Variants in CNTNAP2 observed in about 807,000 individuals in gnomAD.
CNTNAP2 encodes contactin associated protein 2, also known as contactin-associated protein-like 2.
In CNTNAP2, 98 loss-of-function variants were observed where a neutral mutation model predicts 155.2. That is an observed-to-expected ratio of 0.63 (90% CI 0.54 to 0.75). The LOEUF is 0.75. Among genes scored for constraint, CNTNAP2 ranks in the 30% least tolerant of loss-of-function variants. The pLI is 0.00. For missense variants in CNTNAP2, 1,727 were observed against 1,688.1 expected, an observed-to-expected ratio of 1.02 and a Z score of -0.40; for synonymous variants, 651 against 631.2, an observed-to-expected ratio of 1.03 and a Z score of -0.47.
intron 2 of CNTNAP2, among the ~76,000 whole-genome samples, chr7:146,793,153 G>C (rs577489365): frequency 4.6e-5 from 7 of 151,996 alleles, no homozygotes; most frequent in African/African-American, 1.4e-4. Flanking sequence ...CACTTATCTT[G>C]ATTCAGAAAC....
chr7:146,414,196 C>T (rs186208709), intron 1 of CNTNAP2, among the ~76,000 whole-genome samples: 19 of 152,128 alleles, frequency 1.2e-4, no homozygotes, highest in African/African-American at 3.6e-4. Context: ...TAAATTTATT[C>T]GTGATTCTTA....
At chr7:147,624,074 C>G (rs1186052543) in intron 12 of CNTNAP2, among the ~76,000 whole-genome samples, 1 of 152,078 alleles carries the variant, frequency 6.6e-6, no homozygotes, top group Non-Finnish European at 1.5e-5. Context: ...AAGAATGAAA[C>G]TAGACTTCTG....
intron 11 of CNTNAP2, among the ~76,000 whole-genome samples, chr7:147,527,890 G>A (rs1191893542): frequency 6.6e-6 from 1 of 152,204 alleles, no homozygotes. Context: ...AAGGAGTGGA[G>A]ATAATAAGAC....
At chr7:146,504,642 TA>T (rs1172920939) in intron 1 of CNTNAP2, among the ~76,000 whole-genome samples, 2 of 152,202 alleles carry the variant, frequency 1.3e-5, no homozygotes, top group African/African-American at 4.8e-5. Flanking sequence ...CAGGGATGGT[TA>T]ATGCTAAGAG....
chr7:147,434,246 G>T (rs1269983932), intron 10 of CNTNAP2, among the ~76,000 whole-genome samples: 1 of 151,882 alleles, frequency 6.6e-6, no homozygotes, highest in Non-Finnish European at 1.5e-5. Flanking sequence ...TACCATTCCA[G>T]TTAATAATTA....
intron 3 of CNTNAP2, among the ~76,000 whole-genome samples, chr7:146,993,592 C>T (rs1055029804): frequency 1.3e-5 from 2 of 152,106 alleles, no homozygotes; most frequent in East Asian, 1.9e-4. Flanking sequence ...GATGGTGGCC[C>T]GACATTCCTG....
chr7:148,381,125 T>C (rs1799049454), intron 21 of CNTNAP2, among the ~76,000 whole-genome samples: 1 of 152,230 alleles, frequency 6.6e-6, no homozygotes, highest in African/African-American at 2.4e-5. Flanking sequence ...CTGTGCAGGC[T>C]CCGTGGCAGC....
intron 14 of CNTNAP2, among the ~76,000 whole-genome samples, chr7:147,925,290 GCGCACACACACACA>G (rs1800374640): frequency 1.5e-5 from 1 of 68,938 alleles, no homozygotes; most frequent in South Asian, 5.3e-4. Context: ...ACAAGCGCGC[GCGCACACACACACA>G]CACACACACA....
intron 21 of CNTNAP2, among the ~76,000 whole-genome samples, chr7:148,298,706 T>A (rs984064643): frequency 5.9e-5 from 9 of 152,046 alleles, no homozygotes; most frequent in African/African-American, 2.2e-4. Context: ...ATATATATAT[T>A]TTTTAGACAG....
intron 13 of CNTNAP2, among the ~76,000 whole-genome samples, chr7:147,769,460 A>C (rs1471119769): frequency 6.6e-6 from 1 of 152,124 alleles, no homozygotes; most frequent in Admixed American, 6.6e-5. Context: ...CATGTGAACT[A>C]TAGTGAAGTG....
In CNTNAP2 at chr7:146,192,647, C is replaced by T. The variant is rs540003187; in HGVS notation, c.97+75674C>T. Reference sequence around the variant, plus strand: ...ACCTCACACTGGATCCCTCCCATGACGTGGGAATTATGGGAGCTACAATTC... The same window carrying T: ...ACCTCACACTGGATCCCTCCCATGATGTGGGAATTATGGGAGCTACAATTC... On this transcript the variant is annotated intron_variant, in intron 1 of 23. Coordinates refer to ENST00000361727, the MANE Select transcript of CNTNAP2 (RefSeq NM_014141.6). Among the ~76,000 whole-genome samples the T allele has an allele frequency of 9.9e-5, 15 of 152,216 alleles. No individual in the cohort carries two copies. The South Asian group carries it at 2.1e-3, about 21-fold the overall frequency.
chr7:146,450,286 T>C (rs996230317), intron 1 of CNTNAP2, among the ~76,000 whole-genome samples: 1 of 152,216 alleles, frequency 6.6e-6, no homozygotes, highest in African/African-American at 2.4e-5. Flanking sequence ...CAGTTATCTA[T>C]TGCTGCATAG....
chr7:147,264,459 A>G (rs1017393643), intron 8 of CNTNAP2, among the ~76,000 whole-genome samples: 5 of 151,920 alleles, frequency 3.3e-5, no homozygotes, highest in African/African-American at 9.7e-5. Context: ...ATAAAATTTC[A>G]GGAAGTGAGG....
At chr7:147,291,235 G>T (rs1392537064) in intron 8 of CNTNAP2, among the ~76,000 whole-genome samples, 2 of 151,914 alleles carry the variant, frequency 1.3e-5, no homozygotes, top group African/African-American at 4.8e-5. Context: ...CATGTGCCAT[G>T]GTGGTTTGCC....
intron 12 of CNTNAP2, among the ~76,000 whole-genome samples, chr7:147,607,514 G>T (rs1251869260): frequency 6.6e-6 from 1 of 152,112 alleles, no homozygotes; most frequent in African/African-American, 2.4e-5. Context: ...CAATGAGAAA[G>T]GGTCACAACC....
At chr7:148,139,756 G>C (rs1210075608) in intron 16 of CNTNAP2, among the ~76,000 whole-genome samples, 1 of 152,026 alleles carries the variant, frequency 6.6e-6, no homozygotes, top group East Asian at 1.9e-4. Flanking sequence ...GGCCAGGCTG[G>C]TCTCAAACTC....
chr7:148,081,549 G>A, intron 15 of CNTNAP2, among the ~76,000 whole-genome samples: 1 of 151,978 alleles, frequency 6.6e-6, no homozygotes. Context: ...TTGGACCCCT[G>A]GTTCTTCAGT....
At chr7:147,535,352 A>C (rs958747766) in intron 11 of CNTNAP2, among the ~76,000 whole-genome samples, 1 of 152,170 alleles carries the variant, frequency 6.6e-6, no homozygotes, top group Admixed American at 6.5e-5. Flanking sequence ...AGATCGCGCC[A>C]CTGCACTGCA....
In CNTNAP2 at chr7:147,567,758, C is replaced by G. The variant is rs60716861; in HGVS notation, c.1897+5501C>G. Among the ~76,000 whole-genome samples, 716 of 152,182 alleles carry G rather than the reference C, an allele frequency of 4.7e-3. 6 individuals carry two copies. Among genetic ancestry groups the G allele is most frequent in the African/African-American group, 0.016 (658 of 41,502 alleles). ...AAAGTTGTCCTACAGGCAGATGCTACGCAAAGTCACTGTAGGACCTTGAAC... is the reference window on the plus strand; with the variant it reads ...AAAGTTGTCCTACAGGCAGATGCTAGGCAAAGTCACTGTAGGACCTTGAAC... On this transcript the variant is annotated intron_variant, in intron 12 of 23. Transcript: ENST00000361727.
Sources: allele counts gnomAD v4.1 joint callset (sites outside exome capture counted in the v4.1 genomes callset), GRCh38; gene constraint gnomAD v4.1.1; transcripts MANE v1.5; gene names NCBI Gene and HGNC (gene_info 2026-07-23, HGNC 2026-07-21).